Variants in AFF3 observed in about 807,000 individuals in gnomAD.
AFF3 encodes the protein AF4/FMR2 family member 3.
A neutral mutation model predicts 129.7 loss-of-function variants in AFF3; 32 were observed. The ratio of observed to expected loss-of-function variants is 0.25; its 90% CI spans 0.19 to 0.33. The LOEUF (loss-of-function observed/expected upper bound fraction) is 0.33. Ranked by LOEUF, AFF3 falls within the 10% of genes least tolerant of loss-of-function variation. AFF3 has a pLI of 1.00. For synonymous variants in AFF3, 644 were observed against 635.4 expected (o/e 1.01, Z -0.20); for missense variants, 1,373 against 1,592.0 (o/e 0.86, Z 2.34).
intron 7 of AFF3, among the ~76,000 whole-genome samples, chr2:99,871,673 C>T (rs1576238772): frequency 6.6e-6 from 1 of 152,098 alleles, no homozygotes; most frequent in African/African-American, 2.4e-5. Context: ...TAACAATTAA[C>T]TTTAAAAACT....
chr2:99,802,146 C>CCTT (rs1208940226), intron 8 of AFF3, among the ~76,000 whole-genome samples: 2 of 152,146 alleles, frequency 1.3e-5, no homozygotes, highest in Non-Finnish European at 2.9e-5. Flanking sequence ...ACTACTTAGG[C>CCTT]CTTCTAAAAG....
intron 7 of AFF3, among the ~76,000 whole-genome samples, chr2:99,934,919 A>C (rs915761248): frequency 2.6e-5 from 4 of 152,214 alleles, no homozygotes; most frequent in African/African-American, 9.6e-5. Flanking sequence ...CCTGAGACCA[A>C]TGTGACTGGG....
At chr2:99,611,559 T>C (rs955948216) in intron 13 of AFF3, among the ~76,000 whole-genome samples, 12 of 152,116 alleles carry the variant, frequency 7.9e-5, no homozygotes, top group African/African-American at 2.2e-4. Context: ...ACAGTTTTTT[T>C]TCCCCCCACG....
chr2:99,804,678 C>G (rs1686207215), intron 8 of AFF3, among the ~76,000 whole-genome samples: 1 of 152,086 alleles, frequency 6.6e-6, no homozygotes, highest in Admixed American at 6.6e-5. Context: ...TATATGGAAC[C>G]AATCTAAGTG....
chr2:99,919,555 C>T (rs986711865), intron 7 of AFF3, among the ~76,000 whole-genome samples: 7 of 152,012 alleles, frequency 4.6e-5, no homozygotes, highest in African/African-American at 1.7e-4. Context: ...TTCAACTTAC[C>T]TACAATATTT....
Position 99,820,625 on chromosome 2 carries a change from T to C in AFF3, c.921+16852A>G, listed in dbSNP as rs72957906. Among the ~76,000 whole-genome samples, 1,333 of 150,824 alleles carry C rather than the reference T, an allele frequency of 8.8e-3. 20 individuals are homozygous for C. Among genetic ancestry groups the C allele is most frequent in the African/African-American group, 0.03 (1,223 of 41,210 alleles). Reference sequence around the variant, plus strand: ...AGCTTGCTGCACCATTTTTACTTTATGAACTTTTAAAGTTTCTTAACTTTT... The same window carrying C: ...AGCTTGCTGCACCATTTTTACTTTACGAACTTTTAAAGTTTCTTAACTTTT... On this transcript the variant is annotated intron_variant, in intron 8 of 24. Coordinates refer to ENST00000672756, the MANE Select transcript of AFF3 (RefSeq NM_001386135.1).
Position 100,134,907 on chromosome 2 carries a change from G to A in AFF3, c.-227-5601C>T, listed in dbSNP as rs536476088. Reference sequence around the variant, plus strand: ...TATATGGTAAATGGAGCTAAATGCAGTGAACAGGGAGAGGCTGGCTATTTT... The same window carrying A: ...TATATGGTAAATGGAGCTAAATGCAATGAACAGGGAGAGGCTGGCTATTTT... On this transcript the variant is annotated intron_variant, in intron 1 of 24. Coordinates refer to ENST00000672756, the MANE Select transcript of AFF3 (RefSeq NM_001386135.1). Among the ~76,000 whole-genome samples the A allele has an allele frequency of 2.6e-5, 4 of 152,368 alleles. No homozygotes were observed. In the East Asian group the frequency reaches 7.7e-4, roughly 29 times the overall value.
intron 1 of AFF3, among the ~76,000 whole-genome samples, chr2:100,131,468 A>AT (rs1173907303): frequency 2.0e-5 from 3 of 151,702 alleles, no homozygotes; most frequent in African/African-American, 7.3e-5. Flanking sequence ...TTTTATTTTT[A>AT]TTTTTTTTAG....
intron 12 of AFF3, among the ~76,000 whole-genome samples, chr2:99,653,963 T>G (rs1685518636): frequency 7.1e-6 from 1 of 140,660 alleles, no homozygotes; most frequent in Non-Finnish European, 1.5e-5. Context: ...TACTGCAACC[T>G]CTGCCTCCCT....
At chr2:99,569,151 T>A (rs1270072206) in intron 18 of AFF3, among the ~76,000 whole-genome samples, 10 of 152,216 alleles carry the variant, frequency 6.6e-5, no homozygotes, top group Non-Finnish European at 1.3e-4. Context: ...CTATTTACAG[T>A]GGATTTAACA....
intron 4 of AFF3, among the ~76,000 whole-genome samples, chr2:100,099,297 T>G (rs184509249): frequency 2.0e-3 from 308 of 152,228 alleles, no homozygotes; most frequent in African/African-American, 7.0e-3. Context: ...CTGTAGCATT[T>G]TCTGGCACTA....
chr2:99,908,530 T>C (rs1344979634), intron 7 of AFF3, among the ~76,000 whole-genome samples: 1 of 151,756 alleles, frequency 6.6e-6, no homozygotes, highest in African/African-American at 2.4e-5. Context: ...ACCATCAGAG[T>C]GAACAGGCAA....
intron 8 of AFF3, among the ~76,000 whole-genome samples, chr2:99,766,141 G>C (rs760927525): frequency 6.6e-6 from 1 of 152,230 alleles, no homozygotes; most frequent in African/African-American, 2.4e-5. Flanking sequence ...GCAGGTGGCT[G>C]AGCAAGGTGA....
intron 7 of AFF3, among the ~76,000 whole-genome samples, chr2:99,996,077 T>C (rs1482879683): frequency 6.6e-6 from 1 of 152,126 alleles, no homozygotes; most frequent in Non-Finnish European, 1.5e-5. Context: ...TGAAAAAACC[T>C]AAAACAGCTT....
intron 2 of AFF3, among the ~76,000 whole-genome samples, chr2:100,122,593 C>A (rs1476748278): frequency 6.6e-6 from 1 of 152,140 alleles, no homozygotes; most frequent in Non-Finnish European, 1.5e-5. Context: ...ACATATGAGA[C>A]CCTGAATTGG....
intron 7 of AFF3, among the ~76,000 whole-genome samples, chr2:99,965,325 A>G (rs903524750): frequency 6.6e-6 from 1 of 152,234 alleles, no homozygotes; most frequent in African/African-American, 2.4e-5. Flanking sequence ...TTCCAGGGGA[A>G]AAGAAGCCTT....
At chr2:99,775,138 G>A (rs904328120) in intron 8 of AFF3, among the ~76,000 whole-genome samples, 1 of 152,212 alleles carries the variant, frequency 6.6e-6, no homozygotes, top group Non-Finnish European at 1.5e-5. Flanking sequence ...TATACTGTTG[G>A]TGGGAGTGTA....
intron 17 of AFF3, among the ~76,000 whole-genome samples, chr2:99,581,784 G>A (rs1316923186): frequency 6.6e-6 from 1 of 151,802 alleles, no homozygotes; most frequent in Non-Finnish European, 1.5e-5. Context: ...CTGGCTGTTA[G>A]AGGCTGGCAT....
intron 7 of AFF3, among the ~76,000 whole-genome samples, chr2:99,940,019 A>G (rs962661215): frequency 1.3e-5 from 2 of 152,192 alleles, no homozygotes; most frequent in Non-Finnish European, 2.9e-5. Flanking sequence ...AAATTTCTCA[A>G]TAAATACTAA....
Sources: allele counts gnomAD v4.1 joint callset (sites outside exome capture counted in the v4.1 genomes callset), GRCh38; gene constraint gnomAD v4.1.1; transcripts MANE v1.5; gene names NCBI Gene and HGNC (gene_info 2026-07-23, HGNC 2026-07-21).